CSMD3: variants seen among roughly 807,000 people sequenced by gnomAD.
CSMD3 encodes the protein CUB and sushi domain-containing protein 3.
Under a neutral mutation model 435.2 loss-of-function variants are expected in CSMD3, and 177 were observed. That is an observed-to-expected ratio of 0.41 (90% CI 0.36 to 0.46). The LOEUF (loss-of-function observed/expected upper bound fraction) is 0.46. Ranked by LOEUF, CSMD3 falls within the 20% of genes least tolerant of loss-of-function variation. The pLI, the probability that CSMD3 is intolerant of heterozygous loss-of-function variation, is 0.34. For missense variants in CSMD3, 4,265 were observed against 4,504.6 expected (o/e 0.95, Z 1.52); for synonymous variants, 1,656 against 1,520.5 (o/e 1.09, Z -2.07).
chr8:113,415,556 A>G (rs984718271), intron 1 of CSMD3, among the ~76,000 whole-genome samples: 1 of 152,180 alleles, frequency 6.6e-6, no homozygotes, highest in Non-Finnish European at 1.5e-5. Flanking sequence ...AAAATAAATG[A>G]CAGACTTTTA....
At chr8:112,296,104 T>C in intron 53 of CSMD3, 98 bp from the exon 54 acceptor site, 1 of 936,352 alleles carries the variant, frequency 1.1e-6, no homozygotes, top group Non-Finnish European at 1.7e-6. Flanking sequence ...AAAGTTGTCT[T>C]AAAAGCAAGC....
intron 12 of CSMD3, among the ~76,000 whole-genome samples, chr8:112,826,446 G>A: frequency 7.9e-6 from 1 of 127,294 alleles, no homozygotes; most frequent in African/African-American, 3.0e-5. Context: ...GGGACCCTAG[G>A]CCCTGGTGGC....
intron 1 of CSMD3, among the ~76,000 whole-genome samples, chr8:113,370,599 C>T (rs185126149): frequency 2.6e-5 from 4 of 152,022 alleles, no homozygotes; most frequent in East Asian, 1.9e-4. Context: ...CCTGCACCCA[C>T]TCTAGGTTAT....
At chr8:112,757,935 G>C (rs770631911) in intron 13 of CSMD3, among the ~76,000 whole-genome samples, 1 of 151,978 alleles carries the variant, frequency 6.6e-6, no homozygotes, top group Non-Finnish European at 1.5e-5. Context: ...ACACATTTGT[G>C]GTCCCAGCTA....
intron 22 of CSMD3, among the ~76,000 whole-genome samples, chr8:112,620,712 C>G (rs1434134532): frequency 2.0e-5 from 3 of 152,032 alleles, no homozygotes; most frequent in Middle Eastern, 3.2e-3. Context: ...CAGTCCAGAC[C>G]CTGCATTTGA....
chr8:112,517,021 C>T lies in CSMD3; in HGVS notation c.4756+13G>A, dbSNP rs2130986849. The T allele has an allele frequency of 3.1e-6, 5 of 1,600,158 alleles. No individual in the cohort carries two copies. The highest frequency in any genetic ancestry group is 4.3e-6 in the Non-Finnish European group (5 of 1,168,544). ...ATGTTTATATAAAATTTTAATTGTT[C>T]TTTAATTCATACCTATACAGACTGG... On this transcript the variant is annotated intron_variant, in intron 28 of 70. Coordinates refer to ENST00000297405, the MANE Select transcript of CSMD3 (RefSeq NM_198123.2).
intron 41 of CSMD3, among the ~76,000 whole-genome samples, chr8:112,343,416 A>T (rs1825368198): frequency 6.6e-6 from 1 of 152,110 alleles, no homozygotes; most frequent in South Asian, 2.1e-4. Flanking sequence ...AGCCAAAATG[A>T]TCCTAAATAG....
chr8:113,436,765 T>C lies in CSMD3; in HGVS notation c.90A>G (p.Leu30=). ...CCATTTTCTTCATCAGGATGAAGTC[T>C]AGGCGGCCACATTTAGCGCATCTTC... ...GKRRCAKCGR[L]DFILMKKMGI... is the part of the protein sequence containing the mutation. Residue 30 remains leucine, a synonymous_variant, in exon 1 of 71, where the codon CTA becomes CTG. Transcript: ENST00000297405. The C allele has an allele frequency of 6.2e-7, 1 of 1,614,150 alleles. No individual in the cohort carries two copies. Among genetic ancestry groups the C allele is most frequent in the Non-Finnish European group, 8.5e-7 (1 of 1,180,004 alleles).
intron 63 of CSMD3, among the ~76,000 whole-genome samples, chr8:112,252,412 C>A (rs188938320): frequency 5.3e-5 from 8 of 151,998 alleles, no homozygotes; most frequent in Non-Finnish European, 5.9e-5. Context: ...CCAGTACCTA[C>A]ACTCTGGGTT....
At chr8:113,110,527 C>T (rs983568792) in intron 4 of CSMD3, among the ~76,000 whole-genome samples, 3 of 152,168 alleles carry the variant, frequency 2.0e-5, no homozygotes, top group African/African-American at 7.2e-5. Context: ...TTCCTAATGT[C>T]CATCTGAGAC....
In CSMD3 at chr8:113,048,666, C is replaced by A. The variant is rs117169474; in HGVS notation, c.918-29487G>T. ...GCATTTACTCTGCATAATGATTTTG[C>A]GTGTCAGGTAGGCTCATTGGACCTA... On this transcript the variant is annotated intron_variant, in intron 5 of 70. Coordinates refer to ENST00000297405, the MANE Select transcript of CSMD3 (RefSeq NM_198123.2). Among the ~76,000 whole-genome samples, 309 of 152,110 alleles carry A rather than the reference C, an allele frequency of 2.0e-3. 1 individual carries two copies. The highest frequency in any genetic ancestry group is 3.6e-3 in the Non-Finnish European group (248 of 67,994).
intron 32 of CSMD3, among the ~76,000 whole-genome samples, chr8:112,415,255 C>T (rs915302713): frequency 3.9e-5 from 6 of 152,208 alleles, no homozygotes; most frequent in Non-Finnish European, 5.9e-5. Context: ...CTGCACCCAG[C>T]TGCTTCGGCT....
At chr8:112,574,573 A>C (rs1346568240) in intron 23 of CSMD3, among the ~76,000 whole-genome samples, 2 of 151,934 alleles carry the variant, frequency 1.3e-5, no homozygotes, top group African/African-American at 2.4e-5. Flanking sequence ...GTAGTAATTA[A>C]ATCCAGGGTT....
At chr8:112,873,153 G>T (rs549751699) in intron 10 of CSMD3, among the ~76,000 whole-genome samples, 70 of 151,962 alleles carry the variant, frequency 4.6e-4, no homozygotes, top group South Asian at 6.2e-4. Flanking sequence ...TTGGAACAAT[G>T]TCTACTTGAA....
intron 59 of CSMD3, among the ~76,000 whole-genome samples, chr8:112,265,810 CACTT>C (rs751564253): frequency 1.2e-4 from 18 of 152,076 alleles, no homozygotes; most frequent in Non-Finnish European, 2.5e-4. Context: ...CAGAAACTGT[CACTT>C]AGCCCCTGAA....
At chr8:113,016,381 G>A (rs1238829194) in intron 6 of CSMD3, among the ~76,000 whole-genome samples, 5 of 151,660 alleles carry the variant, frequency 3.3e-5, no homozygotes, top group Non-Finnish European at 1.5e-5. Flanking sequence ...CTTAAAGGTG[G>A]TTATATTTGG....
rs149187706 is a variant in CSMD3, at chr8:113,155,614, T to C, written c.709+18108A>G. On this transcript the variant is annotated intron_variant, in intron 4 of 70. Coordinates refer to ENST00000297405, the MANE Select transcript of CSMD3 (RefSeq NM_198123.2). ...AAGGGGGATTGAAGTAGAAGTACAGTTGGAAAAACAAATCTATATACTGTG... is the reference window on the plus strand; with the variant it reads ...AAGGGGGATTGAAGTAGAAGTACAGCTGGAAAAACAAATCTATATACTGTG... 6.6e-5 allele frequency among the ~76,000 whole-genome samples: 10 copies of C among 152,082 alleles called. No homozygotes were observed. In the East Asian group the frequency reaches 1.6e-3, roughly 24 times the overall value.
chr8:112,549,471 G>T (rs1827482790), intron 27 of CSMD3, among the ~76,000 whole-genome samples: 1 of 151,898 alleles, frequency 6.6e-6, no homozygotes. Context: ...AAAATAATTT[G>T]TTTGTGTTAG....
At chr8:113,010,698 T>C (rs931335704) in intron 6 of CSMD3, among the ~76,000 whole-genome samples, 4 of 151,614 alleles carry the variant, frequency 2.6e-5, no homozygotes, top group African/African-American at 4.8e-5. Context: ...AGTACTCCAA[T>C]AAAGAATAAA....
Sources: gnomAD v4.1 joint callset for allele counts (sites outside exome capture counted in the v4.1 genomes callset) on GRCh38, gnomAD v4.1.1 for gene constraint, MANE v1.5 for transcripts, NCBI Gene and HGNC (gene_info 2026-07-23, HGNC 2026-07-21) for gene names.